ATP8A2: variants seen among roughly 807,000 people sequenced by gnomAD.
ATP8A2 encodes phospholipid-transporting ATPase IB.
Under a neutral mutation model 165.6 loss-of-function variants are expected in ATP8A2, and 100 were observed. The observed-to-expected ratio is 0.60, with a 90% CI of 0.51 to 0.71. ATP8A2 has a LOEUF of 0.71. Among genes scored for constraint, ATP8A2 ranks in the 30% least tolerant of loss-of-function variants. The pLI is 0.00. For synonymous variants in ATP8A2, 543 were observed against 548.8 expected (o/e 0.99, Z 0.15); for missense variants, 1,227 against 1,479.5 (o/e 0.83, Z 2.80).
In ATP8A2 at chr13:26,020,268, T is replaced by C. The variant is rs1957063335; in HGVS notation, c.*283T>C. On this transcript the variant is annotated 3_prime_UTR_variant, in exon 37 of 37. Transcript: ENST00000381655. Reference sequence around the variant, plus strand: ...AACTGTGCTCTGTGAGGTGTGAAATTAAAAACATTATGTTTCACCAATATT... The same window carrying C: ...AACTGTGCTCTGTGAGGTGTGAAATCAAAAACATTATGTTTCACCAATATT... 1 of 417,356 alleles carries C rather than the reference T, an allele frequency of 2.4e-6. No individual in the cohort carries two copies. The highest frequency in any genetic ancestry group is 4.1e-5 in the Admixed American group (1 of 24,308). 25.9% of individuals were successfully genotyped at this position (417,356 alleles called of 1,614,324 possible).
At chr13:25,590,725 G>A (rs1042156906) in intron 24 of ATP8A2, among the ~76,000 whole-genome samples, 1 of 152,144 alleles carries the variant, frequency 6.6e-6, no homozygotes, top group Non-Finnish European at 1.5e-5. Context: ...AGGGGCAGAT[G>A]GCACGGTTAA....
chr13:25,727,072 G>A (rs970607027), intron 25 of ATP8A2, among the ~76,000 whole-genome samples: 3 of 152,156 alleles, frequency 2.0e-5, no homozygotes, highest in Non-Finnish European at 2.9e-5. Context: ...GTACATGCAT[G>A]CACGTGATGT....
Position 25,913,576 on chromosome 13 carries a change from G to GC in ATP8A2, c.3184-47997dup, listed in dbSNP as rs199719510. ...TTATACACCAGAGCGTGGGGTTCATGCCACTGCCTGAAGCTGGTGTAGAGC... is the reference window on the plus strand; with the variant it reads ...TTATACACCAGAGCGTGGGGTTCATGCCCACTGCCTGAAGCTGGTGTAGAGC... On this transcript the variant is annotated intron_variant, in intron 33 of 36. Transcript: ENST00000381655. Among the ~76,000 whole-genome samples the GC allele has an allele frequency of 8.0e-3, 1,215 of 152,282 alleles. 27 individuals are homozygous for GC. The highest frequency in any genetic ancestry group is 0.04 in the Admixed American group (614 of 15,292).
In ATP8A2 at chr13:25,711,552, A is replaced by C. The variant is rs972957003; in HGVS notation, c.2384+12207A>C. ...CAGTGAGACCACATCTCTATATTTA[A>C]AAAAAAAAAATTTTTTTTAAAGCAA... On this transcript the variant is annotated intron_variant, in intron 25 of 36. Transcript: ENST00000381655. Among the ~76,000 whole-genome samples the C allele has an allele frequency of 8.9e-5, 13 of 146,392 alleles. No individual in the cohort carries two copies. The East Asian group carries it at 2.6e-3, about 29-fold the overall frequency.
chr13:25,527,093 G>A (rs1310171031), intron 2 of ATP8A2, among the ~76,000 whole-genome samples: 5 of 152,108 alleles, frequency 3.3e-5, no homozygotes, highest in African/African-American at 1.2e-4. Context: ...TGGGATATTT[G>A]TGGTGATAAC....
chr13:25,555,047 C>G lies in ATP8A2; in HGVS notation c.1242C>G (p.Asn414Lys). The G allele has an allele frequency of 6.2e-7, 1 of 1,612,628 alleles. No individual in the cohort carries two copies. The highest frequency in any genetic ancestry group is 8.5e-7 in the Non-Finnish European group (1 of 1,178,880). ...CTCCTGCCATGGCCAGGACATCAAA[C>G]CTTAATGAAGAGCTTGGGCAGGTGA... ...NDTPAMARTS[N>K]LNEELGQVKY... The change falls in exon 13 of 37, where the codon AAC (asparagine) becomes AAG (lysine). Residue 414 changes from asparagine to lysine, a missense_variant. Around this residue, in one of 5 missense-constraint regions of ATP8A2, gnomAD observed 592 missense variants for 785.6 expected, o/e 0.75. Coordinates refer to ENST00000381655, the MANE Select transcript of ATP8A2 (RefSeq NM_016529.6).
At chr13:25,855,436 T>C (rs973444104) in intron 30 of ATP8A2, among the ~76,000 whole-genome samples, 2 of 152,226 alleles carry the variant, frequency 1.3e-5, no homozygotes, top group African/African-American at 4.8e-5. Context: ...ATCCATGTTG[T>C]AGCATGTATC....
chr13:25,732,269 T>C (rs796501606), intron 25 of ATP8A2, among the ~76,000 whole-genome samples: 38 of 152,308 alleles, frequency 2.5e-4, no homozygotes, highest in African/African-American at 8.9e-4. Flanking sequence ...CAGCCTCGCA[T>C]GTTGGGAAAG....
intron 2 of ATP8A2, among the ~76,000 whole-genome samples, chr13:25,474,584 G>A (rs1016927363): frequency 6.6e-6 from 1 of 150,578 alleles, no homozygotes; most frequent in Non-Finnish European, 1.5e-5. Flanking sequence ...AAAAAAAAAA[G>A]AATATTACCT....
Position 25,398,377 on chromosome 13 carries a change from G to A in ATP8A2, c.76+26089G>A, listed in dbSNP as rs1217093270. 2.6e-5 allele frequency among the ~76,000 whole-genome samples: 4 copies of A among 152,284 alleles called. No individual in the cohort carries two copies. The South Asian group carries it at 8.3e-4, about 32-fold the overall frequency. ...AACATCAAAAGAGAGAATGTATAAT[G>A]AGGTATGTCTGACCCCCTCCTTCCT... On this transcript the variant is annotated intron_variant, in intron 1 of 36. Coordinates refer to ENST00000381655, the MANE Select transcript of ATP8A2 (RefSeq NM_016529.6).
chr13:25,511,198 C>T (rs1413218557), intron 2 of ATP8A2, among the ~76,000 whole-genome samples: 1 of 151,740 alleles, frequency 6.6e-6, no homozygotes, highest in Non-Finnish European at 1.5e-5. Flanking sequence ...GTATAACTTG[C>T]TTTTCCTGCC....
chr13:25,987,774 C>A (rs1479689339), intron 35 of ATP8A2, among the ~76,000 whole-genome samples: 2 of 152,188 alleles, frequency 1.3e-5, no homozygotes, highest in African/African-American at 4.8e-5. Flanking sequence ...TTTTCCTTTC[C>A]ATTTACCTTA....
chr13:25,685,720 G>C (rs34406808), intron 24 of ATP8A2, among the ~76,000 whole-genome samples: 73,795 of 152,024 alleles, frequency 0.49, 18,519 homozygotes, highest in Non-Finnish European at 0.55. Context: ...TGGCACCAGA[G>C]GAGGTCAGAG....
At chr13:25,595,139 G>A (rs984012399) in intron 24 of ATP8A2, among the ~76,000 whole-genome samples, 1 of 152,004 alleles carries the variant, frequency 6.6e-6, no homozygotes, top group African/African-American at 2.4e-5. Context: ...AAACATAAGA[G>A]ATTTACTACA....
At chr13:25,827,043 A>G (rs1033036127) in intron 27 of ATP8A2, among the ~76,000 whole-genome samples, 2 of 152,072 alleles carry the variant, frequency 1.3e-5, no homozygotes, top group African/African-American at 2.4e-5. Flanking sequence ...CCGTGTATTC[A>G]GATTACATCT....
chr13:25,690,056 G>GA (rs897905992), intron 24 of ATP8A2, among the ~76,000 whole-genome samples: 132 of 151,220 alleles, frequency 8.7e-4, no homozygotes, highest in African/African-American at 3.1e-3. Context: ...TAGTTTGGGG[G>GA]AAAAATAAAT....
chr13:25,665,809 G>C (rs1373136269), intron 24 of ATP8A2, among the ~76,000 whole-genome samples: 1 of 151,568 alleles, frequency 6.6e-6, no homozygotes, highest in Non-Finnish European at 1.5e-5. Flanking sequence ...TCAGCCTCCT[G>C]GGTAGCTAGC....
chr13:25,859,188 C>T (rs113402378), intron 30 of ATP8A2, among the ~76,000 whole-genome samples: 3 of 151,704 alleles, frequency 2.0e-5, no homozygotes, highest in East Asian at 1.9e-4. Context: ...GGCGACAGAC[C>T]GAGACTCTGT....
At chr13:25,544,280 A>ATAGGAGGGTCAT (rs796346487) in intron 10 of ATP8A2, among the ~76,000 whole-genome samples, 32 of 152,372 alleles carry the variant, frequency 2.1e-4, no homozygotes, top group African/African-American at 7.0e-4. Context: ...GTCAGTGTGT[A>ATAGGAGGGTCAT]TAGGAGGGTC....
Sources: allele counts gnomAD v4.1 joint callset (sites outside exome capture counted in the v4.1 genomes callset), GRCh38; gene constraint gnomAD v4.1.1; regional missense constraint gnomAD v4.1.1; transcripts MANE v1.5; gene names NCBI Gene and HGNC (gene_info 2026-07-23, HGNC 2026-07-21).